The following PCLO variants were observed in gnomAD, a reference collection of about 807,000 sequenced individuals.
PCLO encodes the protein protein piccolo.
In PCLO, 82 loss-of-function variants were observed where a neutral mutation model predicts 427.5. That is an observed-to-expected ratio of 0.19 (90% CI 0.16 to 0.23). The LOEUF (loss-of-function observed/expected upper bound fraction) is 0.23. Ranked by LOEUF, PCLO falls within the 10% of genes least tolerant of loss-of-function variation. The pLI, the probability that PCLO is intolerant of heterozygous loss-of-function variation, is 1.00. For synonymous variants in PCLO, 2,357 were observed against 2,155.4 expected, an observed-to-expected ratio of 1.09 and a Z score of -2.59; for missense variants, 6,239 against 6,115.9, an observed-to-expected ratio of 1.02 and a Z score of -0.67.
intron 3 of PCLO, among the ~76,000 whole-genome samples, chr7:83,050,966 A>G (rs1789239481): frequency 6.6e-6 from 1 of 152,036 alleles, no homozygotes; most frequent in Non-Finnish European, 1.5e-5. Flanking sequence ...AAATTAGAAA[A>G]ATAATATGAT....
intron 3 of PCLO, among the ~76,000 whole-genome samples, chr7:83,123,546 C>T (rs1791340379): frequency 6.6e-6 from 1 of 152,160 alleles, no homozygotes; most frequent in Non-Finnish European, 1.5e-5. Context: ...TAGGGAAACT[C>T]TCCAGAACAT....
At chr7:82,928,972 G>A (rs914130267) in intron 6 of PCLO, among the ~76,000 whole-genome samples, 8 of 152,120 alleles carry the variant, frequency 5.3e-5, no homozygotes, top group Admixed American at 1.3e-4. Context: ...TAAAACCAGA[G>A]AGGATGAACT....
intron 21 of PCLO, among the ~76,000 whole-genome samples, chr7:82,803,742 T>C (rs1791405535): frequency 2.0e-5 from 3 of 152,174 alleles, no homozygotes; most frequent in South Asian, 2.1e-4. Flanking sequence ...GCCCAAGCTA[T>C]AATTTTATTA....
intron 3 of PCLO, among the ~76,000 whole-genome samples, chr7:83,092,164 G>C (rs1258697314): frequency 6.6e-6 from 1 of 152,122 alleles, no homozygotes; most frequent in African/African-American, 2.4e-5. Flanking sequence ...CCCTAAAGTT[G>C]GCAGCTGCCC....
chr7:82,936,232 C>T (rs922496815), intron 6 of PCLO, among the ~76,000 whole-genome samples: 3 of 151,434 alleles, frequency 2.0e-5, no homozygotes, highest in African/African-American at 2.4e-5. Context: ...TCTTTGACCA[C>T]AATAGAATGA....
At position 83,095,954 on chromosome 7, in the gene PCLO, C is replaced by A. The variant is rs551158806; in HGVS notation, c.3300+38296G>T. 2.4e-3 allele frequency among the ~76,000 whole-genome samples: 360 copies of A among 152,044 alleles called. 1 individual carries two copies. Among genetic ancestry groups the A allele is most frequent in the Admixed American group, 6.9e-3 (106 of 15,270 alleles). ...TATTAGATCCTGGTTATAAAACTTA[C>A]AAATAATTTTTTTCTCTCCATAAAC... On this transcript the variant is annotated intron_variant, in intron 3 of 24. Transcript: ENST00000333891.
chr7:83,159,782 G>T (rs1690237112), intron 1 of PCLO, among the ~76,000 whole-genome samples: 1 of 151,668 alleles, frequency 6.6e-6, no homozygotes, highest in African/African-American at 2.4e-5. Flanking sequence ...AAGCAACTTT[G>T]GGACTATCTG....
chr7:82,778,110 T>C (rs1790792028), intron 22 of PCLO, among the ~76,000 whole-genome samples: 1 of 151,856 alleles, frequency 6.6e-6, no homozygotes, highest in Non-Finnish European at 1.5e-5. Context: ...GAAAAGGACA[T>C]GAACAGACAC....
At position 82,952,619 on chromosome 7, in the gene PCLO, A is replaced by G; in HGVS notation, c.8334T>C (p.Leu2778=). ...GAGTCACTATTGATGATGTCACACT[A>G]AGATTTATAATAGAGGGTTGGACAG... ...ISAVQPSIIN[L]SVTSSIVTPV... is the part of the protein sequence containing the mutation. The change falls in exon 5 of 25, where the codon CTT becomes CTC. Residue 2778 remains leucine (L), a synonymous_variant. Coordinates refer to ENST00000333891, the MANE Select transcript of PCLO (RefSeq NM_033026.6). 1.2e-6 allele frequency: 2 copies of G among 1,613,932 alleles called. No homozygotes were observed. Among genetic ancestry groups the G allele is most frequent in the Non-Finnish European group, 1.7e-6 (2 of 1,179,832 alleles).
At chr7:82,902,799 A>G (rs774289369) in intron 8 of PCLO, 58 bp from the exon 9 acceptor site, 14 of 813,648 alleles carry the variant, frequency 1.7e-5, no homozygotes, top group Non-Finnish European at 2.8e-5. Flanking sequence ...AAAGTGCAAT[A>G]TACATAATTA....
At position 82,803,847 on chromosome 7, in the gene PCLO, G is replaced by A. The variant is rs190180047; in HGVS notation, c.14933+1841C>T. 1.9e-3 allele frequency among the ~76,000 whole-genome samples: 296 copies of A among 152,134 alleles called. 1 individual carries two copies. Among genetic ancestry groups the A allele is most frequent in the African/African-American group, 5.1e-3 (213 of 41,528 alleles). On this transcript the variant is annotated intron_variant, in intron 21 of 24. Coordinates refer to ENST00000333891, the MANE Select transcript of PCLO (RefSeq NM_033026.6). ...AGTAAATATTCGTTGTGCTCATATG[G>A]CAAAGCAAGAGTCTCCTAGACAGTT... is the stretch of plus-strand genomic sequence containing the variant.
At chr7:82,858,831 A>G (rs1792876011) in intron 10 of PCLO, among the ~76,000 whole-genome samples, 1 of 152,212 alleles carries the variant, frequency 6.6e-6, no homozygotes, top group Non-Finnish European at 1.5e-5. Flanking sequence ...AATAATAGAA[A>G]AAATACTATG....
At chr7:83,124,154 C>CAA (rs897325438) in intron 3 of PCLO, among the ~76,000 whole-genome samples, 1 of 136,702 alleles carries the variant, frequency 7.3e-6, no homozygotes. Context: ...ACAAAAAATA[C>CAA]AAAAAAAAAA....
chr7:82,928,199 T>C (rs1794757744), intron 6 of PCLO, among the ~76,000 whole-genome samples: 2 of 152,172 alleles, frequency 1.3e-5, no homozygotes, highest in Non-Finnish European at 2.9e-5. Context: ...TCCCATAATA[T>C]TGTGATTAGC....
At chr7:82,837,486 T>C (rs905608577) in intron 15 of PCLO, among the ~76,000 whole-genome samples, 1 of 152,072 alleles carries the variant, frequency 6.6e-6, no homozygotes, top group Non-Finnish European at 1.5e-5. Context: ...TTGGCTGATA[T>C]GAATTGCTCA....
At chr7:82,899,600 A>G (rs1793991318) in intron 9 of PCLO, among the ~76,000 whole-genome samples, 1 of 151,480 alleles carries the variant, frequency 6.6e-6, no homozygotes, top group African/African-American at 2.4e-5. Flanking sequence ...TACCACAAGA[A>G]AAAGGGGCAT....
At chr7:83,105,898 T>C (rs757695350) in intron 3 of PCLO, among the ~76,000 whole-genome samples, 16 of 152,002 alleles carry the variant, frequency 1.1e-4, no homozygotes, top group Non-Finnish European at 1.6e-4. Flanking sequence ...GTAGGTTCCT[T>C]GCTTGTAAGT....
chr7:83,015,557 A>G (rs1788185942), intron 3 of PCLO, among the ~76,000 whole-genome samples: 1 of 152,158 alleles, frequency 6.6e-6, no homozygotes, highest in South Asian at 2.1e-4. Context: ...AAAAATTATC[A>G]ATGAGTTGTG....
At chr7:82,904,979 T>C (rs1332312416) in intron 8 of PCLO, among the ~76,000 whole-genome samples, 1 of 152,060 alleles carries the variant, frequency 6.6e-6, no homozygotes, top group African/African-American at 2.4e-5. Context: ...ATGAATTAGA[T>C]GTACGAGCTA....
Sources: gnomAD v4.1 joint callset for allele counts (sites outside exome capture counted in the v4.1 genomes callset) on GRCh38, gnomAD v4.1.1 for gene constraint, MANE v1.5 for transcripts, NCBI Gene and HGNC (gene_info 2026-07-23, HGNC 2026-07-21) for gene names.